Variants in ZNF804B observed in about 807,000 individuals in gnomAD.
The protein encoded by ZNF804B is zinc finger protein 804B.
In ZNF804B, 80 loss-of-function variants were observed where a neutral mutation model predicts 101.4. The ratio of observed to expected loss-of-function variants is 0.79; its 90% CI spans 0.66 to 0.95. The LOEUF (loss-of-function observed/expected upper bound fraction) is 0.95, where lower values mean the gene tolerates loss of function less well. Ranked by LOEUF, ZNF804B falls within the 40% of genes least tolerant of loss-of-function variation. The pLI, the probability that ZNF804B is intolerant of heterozygous loss-of-function variation, is 0.00. For synonymous variants in ZNF804B, 622 were observed against 558.8 expected (o/e 1.11, Z -1.59); for missense variants, 1,673 against 1,561.9 (o/e 1.07, Z -1.20).
At chr7:89,298,169 C>CAT (rs1562940104) in intron 2 of ZNF804B, among the ~76,000 whole-genome samples, 1 of 65,852 alleles carries the variant, frequency 1.5e-5, no homozygotes, top group Non-Finnish European at 3.1e-5. Flanking sequence ...ATATATATTT[C>CAT]ATATATATAT....
chr7:88,828,938 T>C (rs998147656), intron 1 of ZNF804B, among the ~76,000 whole-genome samples: 2 of 152,124 alleles, frequency 1.3e-5, no homozygotes, highest in Admixed American at 1.3e-4. Context: ...CTTAACTCTG[T>C]GTTCTTAATG....
At position 89,046,011 on chromosome 7, in the gene ZNF804B, A is replaced by G. The variant is rs981846052; in HGVS notation, c.109-172144A>G. Among the ~76,000 whole-genome samples the G allele has an allele frequency of 3.3e-5, 5 of 152,238 alleles. No individual in the cohort carries two copies. In the East Asian group the frequency reaches 9.7e-4, roughly 29 times the overall value. ...GTAGTTCCCATAATCCCCAGGTTTC[A>G]TGGGATGGACCCCATGGGAGGTAAT... On this transcript the variant is annotated intron_variant, in intron 1 of 3. Coordinates refer to ENST00000333190, the MANE Select transcript of ZNF804B (RefSeq NM_181646.5).
intron 1 of ZNF804B, among the ~76,000 whole-genome samples, chr7:89,187,666 T>G (rs1337400628): frequency 6.6e-6 from 1 of 152,168 alleles, no homozygotes; most frequent in Admixed American, 6.6e-5. Flanking sequence ...GAGTAAATCA[T>G]TGTGGAAACT....
chr7:88,786,996 T>C (rs1586902000), intron 1 of ZNF804B, among the ~76,000 whole-genome samples: 1 of 152,122 alleles, frequency 6.6e-6, no homozygotes, highest in Non-Finnish European at 1.5e-5. Context: ...TTGAGTACCA[T>C]GTACAGTGAG....
At chr7:89,023,827 G>A (rs924162302) in intron 1 of ZNF804B, among the ~76,000 whole-genome samples, 3 of 152,168 alleles carry the variant, frequency 2.0e-5, no homozygotes, top group Non-Finnish European at 4.4e-5. Flanking sequence ...ATGCCTAGGA[G>A]TTTTTGACTG....
chr7:89,159,298 G>T (rs143115017), intron 1 of ZNF804B, among the ~76,000 whole-genome samples: 5 of 152,184 alleles, frequency 3.3e-5, no homozygotes, highest in African/African-American at 1.2e-4. Context: ...CTTGACGAGG[G>T]TATTTGGAGA....
rs1387947750 is a variant in ZNF804B, at chr7:88,965,068, T to C, written c.108+204984T>C. On this transcript the variant is annotated intron_variant, in intron 1 of 3. Transcript: ENST00000333190. The stretch of plus-strand genomic sequence containing the variant: ...TTGTTTTAATAACCCAGGAAATAAG[T>C]TAAACATTTGAACTCTTAAATATTA... 4.6e-5 allele frequency among the ~76,000 whole-genome samples: 7 copies of C among 151,356 alleles called. No individual in the cohort carries two copies. In the East Asian group the frequency reaches 1.2e-3, roughly 25 times the overall value.
intron 1 of ZNF804B, among the ~76,000 whole-genome samples, chr7:88,894,725 T>C (rs1369569543): frequency 6.6e-6 from 1 of 152,116 alleles, no homozygotes; most frequent in African/African-American, 2.4e-5. Context: ...GAAACTTAAA[T>C]GCTATTGCTA....
intron 1 of ZNF804B, among the ~76,000 whole-genome samples, chr7:88,850,426 A>G (rs920151971): frequency 9.9e-5 from 15 of 152,160 alleles, no homozygotes; most frequent in Admixed American, 5.9e-4. Context: ...ATTATTCAGT[A>G]GAGTTCTGAT....
chr7:88,794,451 T>A (rs1425834956), intron 1 of ZNF804B: 2 of 1,613,970 alleles, frequency 1.2e-6, no homozygotes, highest in Admixed American at 3.3e-5. Flanking sequence ...TTAGGGACTG[T>A]GACTGTGTCA....
chr7:89,289,219 C>T (rs1024666143), intron 2 of ZNF804B, among the ~76,000 whole-genome samples: 4 of 151,900 alleles, frequency 2.6e-5, no homozygotes, highest in South Asian at 2.1e-4. Flanking sequence ...AAGTAGTAGC[C>T]ATAAACTCAA....
In ZNF804B at chr7:88,854,422, T is replaced by TCTTTCTTC. The variant is rs1554340161; in HGVS notation, c.108+94345_108+94346insCCTTTCTT. ...TTCTTTCTTTCTTTCTTCCTTTCTT[T>TCTTTCTTC]CTTTCTTTCTTTCTTTCTTTCTTTC... is the stretch of plus-strand genomic sequence containing the variant. On this transcript the variant is annotated intron_variant, in intron 1 of 3. Transcript: ENST00000333190. 9.5e-4 allele frequency among the ~76,000 whole-genome samples: 96 copies of TCTTTCTTC among 100,804 alleles called. 1 individual carries two copies. Among genetic ancestry groups the TCTTTCTTC allele is most frequent in the African/African-American group, 2.3e-3 (55 of 24,150 alleles). The allele number at this position is 100,804 out of a possible 152,430, so 66.1% of individuals were successfully genotyped here.
At chr7:89,165,764 T>A (rs1791132445) in intron 1 of ZNF804B, among the ~76,000 whole-genome samples, 1 of 152,068 alleles carries the variant, frequency 6.6e-6, no homozygotes, top group Non-Finnish European at 1.5e-5. Context: ...AAAAGGCAAC[T>A]TCAACTTGGT....
At chr7:89,293,884 A>G (rs1312015403) in intron 2 of ZNF804B, among the ~76,000 whole-genome samples, 1 of 152,180 alleles carries the variant, frequency 6.6e-6, no homozygotes, top group Non-Finnish European at 1.5e-5. Flanking sequence ...ATCACATGCA[A>G]TATTTTTCCA....
chr7:89,196,618 G>T (rs899693209), intron 1 of ZNF804B, among the ~76,000 whole-genome samples: 2 of 152,032 alleles, frequency 1.3e-5, no homozygotes, highest in Non-Finnish European at 2.9e-5. Context: ...AGCAAAAATT[G>T]ACAAATGGGA....
chr7:88,763,540 C>A (rs1789930149), intron 1 of ZNF804B, among the ~76,000 whole-genome samples: 1 of 149,700 alleles, frequency 6.7e-6, no homozygotes, highest in South Asian at 2.1e-4. Flanking sequence ...ACTTTAAATC[C>A]AGGGACATAT....
chr7:89,158,964 A>G (rs1282272873), intron 1 of ZNF804B, among the ~76,000 whole-genome samples: 4 of 152,110 alleles, frequency 2.6e-5, no homozygotes. Context: ...GATTGTCCCC[A>G]AACTTGGTAA....
intron 1 of ZNF804B, among the ~76,000 whole-genome samples, chr7:89,113,215 G>A (rs1182715818): frequency 6.6e-6 from 1 of 152,152 alleles, no homozygotes; most frequent in Non-Finnish European, 1.5e-5. Flanking sequence ...ATTCCAAAAG[G>A]AACTTGTCAG....
chr7:89,274,399 G>T (rs557186568), intron 2 of ZNF804B, among the ~76,000 whole-genome samples: 42 of 132,814 alleles, frequency 3.2e-4, no homozygotes, highest in African/African-American at 1.2e-3. Flanking sequence ...CTATGAGTGA[G>T]AATATGCGGT....
Sources: allele counts gnomAD v4.1 joint callset (sites outside exome capture counted in the v4.1 genomes callset), GRCh38; gene constraint gnomAD v4.1.1; transcripts MANE v1.5; gene names NCBI Gene and HGNC (gene_info 2026-07-23, HGNC 2026-07-21).